The following MTUS2 variants were observed in gnomAD, a reference collection of about 807,000 sequenced individuals.
MTUS2 encodes microtubule associated scaffold protein 2.
In MTUS2, 40 loss-of-function variants were observed where a neutral mutation model predicts 114.1. The observed-to-expected ratio is 0.35, with a 90% confidence interval of 0.27 to 0.46. The LOEUF is 0.46. MTUS2 is among the 20% of genes least tolerant of loss of function. The pLI is 1.00. For synonymous variants in MTUS2, 688 were observed against 672.0 expected (o/e 1.02, Z -0.37); for missense variants, 1,679 against 1,705.4 (o/e 0.98, Z 0.27).
intron 2 of MTUS2, among the ~76,000 whole-genome samples, chr13:28,905,278 C>T (rs373210666): frequency 1.3e-5 from 2 of 151,596 alleles, no homozygotes. Context: ...CTGGCCAGAA[C>T]TTCCAACACT....
At chr13:29,043,193 A>T (rs796652489) in intron 4 of MTUS2, among the ~76,000 whole-genome samples, 6 of 152,256 alleles carry the variant, frequency 3.9e-5, no homozygotes, top group African/African-American at 1.2e-4. Flanking sequence ...TTATTGATGC[A>T]ACAATCTTTC....
chr13:29,273,358 C>G (rs1307303094), intron 5 of MTUS2, among the ~76,000 whole-genome samples: 1 of 152,076 alleles, frequency 6.6e-6, no homozygotes, highest in African/African-American at 2.4e-5. Flanking sequence ...GACAGAACAA[C>G]CCTGGGACAG....
intron 2 of MTUS2, among the ~76,000 whole-genome samples, chr13:28,961,211 C>CA (rs1320964801): frequency 2.0e-5 from 3 of 152,038 alleles, no homozygotes; most frequent in Non-Finnish European, 4.4e-5. Context: ...AAAAATTACT[C>CA]AAATAGTGGC....
At chr13:29,108,408 A>G (rs1027633289) in intron 5 of MTUS2, among the ~76,000 whole-genome samples, 21 of 152,204 alleles carry the variant, frequency 1.4e-4, no homozygotes, top group Non-Finnish European at 2.1e-4. Context: ...TGGTTATAAG[A>G]TAAACTGAAG....
intron 2 of MTUS2, among the ~76,000 whole-genome samples, chr13:28,896,825 G>GA (rs1215628828): frequency 6.6e-6 from 1 of 152,192 alleles, no homozygotes; most frequent in African/African-American, 2.4e-5. Flanking sequence ...TTAATAAATG[G>GA]TGCTGGGAAG....
intron 2 of MTUS2, among the ~76,000 whole-genome samples, chr13:28,966,724 CAAAAAAAAAAAA>C (rs10597818): frequency 1.2e-5 from 1 of 82,276 alleles, no homozygotes; most frequent in East Asian, 3.7e-4. Context: ...GACCCTGTCT[CAAAAAAAAAAAA>C]AAAAAAAAAA....
chr13:29,366,407 G>T (rs543951838), intron 8 of MTUS2, among the ~76,000 whole-genome samples: 3 of 152,186 alleles, frequency 2.0e-5, no homozygotes, highest in Admixed American at 6.5e-5. Context: ...CCCATAACAT[G>T]TGGGAATTGT....
chr13:29,431,022 A>G (rs569635187), intron 8 of MTUS2, among the ~76,000 whole-genome samples: 11 of 152,378 alleles, frequency 7.2e-5, no homozygotes, highest in Non-Finnish European at 1.2e-4. Context: ...ATAGATCAAA[A>G]TAGCAAACTT....
rs560973920 is a variant in MTUS2 at position 28,830,422 on chromosome 13, T to C, written c.-315-9356T>C. The stretch of plus-strand genomic sequence containing the variant: ...ATTAAAGTAGAAAAATGATGTCTCT[T>C]CAAATAGAGAATATCAATAAAGGGG... On this transcript the variant is annotated intron_variant, in intron 1 of 15. Transcript: ENST00000612955. Among the ~76,000 whole-genome samples, 3 of 152,066 alleles carry C rather than the reference T, an allele frequency of 2.0e-5. No homozygotes were observed. The East Asian group carries it at 5.8e-4, about 29-fold the overall frequency.
chr13:28,880,967 C>T lies in MTUS2; in HGVS notation c.-243+41117C>T, dbSNP rs192395414. Among the ~76,000 whole-genome samples the T allele has an allele frequency of 3.3e-4, 50 of 152,256 alleles. 1 individual carries two copies. In the East Asian group the frequency reaches 9.5e-3, roughly 29 times the overall value. On this transcript the variant is annotated intron_variant, in intron 2 of 15. Coordinates refer to ENST00000612955, the MANE Select transcript of MTUS2 (RefSeq NM_001033602.4). ...TGGAAACACAGAGGACCTAGAATCACCAAGATACTTTTGTTTTCATTTCTT... is the reference window on the plus strand; with the variant it reads ...TGGAAACACAGAGGACCTAGAATCATCAAGATACTTTTGTTTTCATTTCTT...
intron 2 of MTUS2, among the ~76,000 whole-genome samples, chr13:29,022,996 GTC>G (rs1886358196): frequency 6.6e-6 from 1 of 152,152 alleles, no homozygotes; most frequent in African/African-American, 2.4e-5. Context: ...AAATCTGAAA[GTC>G]TTTTTTTAAT....
chr13:28,888,419 C>T (rs201345981), intron 2 of MTUS2, among the ~76,000 whole-genome samples: 5 of 135,780 alleles, frequency 3.7e-5, no homozygotes, highest in Admixed American at 7.5e-5. Flanking sequence ...CTCTTGGCAT[C>T]TTTTTTTTTT....
rs1018900515 is a variant in MTUS2, at chr13:29,281,795, A to G, written c.2736A>G (p.Pro912=). Residue 912 remains proline (P), a synonymous_variant, in exon 6 of 16, where the codon CCA becomes CCG. Coordinates refer to ENST00000612955, the MANE Select transcript of MTUS2 (RefSeq NM_001033602.4). The stretch of plus-strand genomic sequence containing the variant: ...AGGGGGCCGGCCGGGTGGCCCCTCC[A>G]GCATCCTCCAGTGTGACAGCACCCC... ...TPKGAGRVAP[P]ASSSVTAPRR... is the part of the protein sequence containing the mutation. The G allele has an allele frequency of 6.2e-7, 1 of 1,612,370 alleles. No individual in the cohort carries two copies. The highest frequency in any genetic ancestry group is 1.3e-5 in the African/African-American group (1 of 75,044).
At position 29,266,745 on chromosome 13, in the gene MTUS2, A is replaced by C. The variant is rs116216405; in HGVS notation, c.2645-14959A>C. 6.8e-3 allele frequency among the ~76,000 whole-genome samples: 1,039 copies of C among 152,228 alleles called. 5 individuals carry two copies. The highest frequency in any genetic ancestry group is 0.024 in the African/African-American group (991 of 41,518). ...AGTCTGGGGTTCAAGAACTGGGAAA[A>C]ATATGTGGCTATGATAGGAAGTGGC... On this transcript the variant is annotated intron_variant, in intron 5 of 15. Transcript: ENST00000612955.
intron 2 of MTUS2, among the ~76,000 whole-genome samples, chr13:29,004,390 T>G (rs968030940): frequency 2.9e-5 from 3 of 104,202 alleles, no homozygotes; most frequent in South Asian, 2.6e-4. Context: ...TATTATATAT[T>G]CAAAATAACT....
intron 8 of MTUS2, among the ~76,000 whole-genome samples, chr13:29,374,699 AC>A (rs1382152354): frequency 2.6e-5 from 4 of 152,178 alleles, no homozygotes; most frequent in African/African-American, 9.7e-5. Flanking sequence ...GGAGTTCGAG[AC>A]CAGCCTGGCC....
intron 11 of MTUS2, among the ~76,000 whole-genome samples, chr13:29,491,035 T>TTGTG (rs138765532): frequency 9.1e-6 from 1 of 109,484 alleles, no homozygotes; most frequent in African/African-American, 3.1e-5. Flanking sequence ...GGATGCGGGT[T>TTGTG]TGTGTGTGTG....
chr13:28,938,490 C>T (rs1050006143), intron 2 of MTUS2, among the ~76,000 whole-genome samples: 19 of 151,924 alleles, frequency 1.3e-4, no homozygotes, highest in African/African-American at 4.6e-4. Flanking sequence ...TATTTTCTTG[C>T]CCTCTTTCAA....
intron 4 of MTUS2, among the ~76,000 whole-genome samples, chr13:29,068,548 G>T (rs1010613343): frequency 1.3e-5 from 2 of 151,952 alleles, no homozygotes; most frequent in Admixed American, 6.6e-5. Flanking sequence ...CCAGATAGAA[G>T]AGGTTCCACA....
Sources: allele counts gnomAD v4.1 joint callset (sites outside exome capture counted in the v4.1 genomes callset), GRCh38; gene constraint gnomAD v4.1.1; transcripts MANE v1.5; gene names NCBI Gene and HGNC (gene_info 2026-07-23, HGNC 2026-07-21).